FGF10: variants seen among roughly 807,000 people sequenced by gnomAD.
FGF10 encodes FGF-10.
Under a neutral mutation model 19.8 loss-of-function variants are expected in FGF10, and 2 were observed. The observed-to-expected ratio is 0.10, with a 90% CI of 0.04 to 0.32. The LOEUF is 0.32. Ranked by LOEUF, FGF10 falls within the 10% of genes least tolerant of loss-of-function variation. The pLI is 1.00. For missense variants in FGF10, 191 were observed against 246.3 expected (o/e 0.78, Z 1.50); for synonymous variants, 112 against 94.0 (o/e 1.19, Z -1.10).
chr5:44,335,421 C>CA (rs17227878), intron 1 of FGF10, among the ~76,000 whole-genome samples: 2,088 of 152,028 alleles, frequency 0.014, 89 homozygotes, highest in East Asian at 0.12. Context: ...TAGTATAAAA[C>CA]AAAAAACATA....
Position 44,305,142 on chromosome 5 carries a change from T to A in FGF10, c.480A>T (p.Gly160=). 6.2e-7 allele frequency: 1 copy of A among 1,613,996 alleles called. No homozygotes were observed. Among genetic ancestry groups the A allele is most frequent in the Non-Finnish European group, 8.5e-7 (1 of 1,179,898 alleles). The change falls in exon 3 of 3, where the codon GGA becomes GGT. Residue 160 remains glycine (G), a synonymous_variant. Transcript: ENST00000264664. Reference sequence around the variant, plus strand: ...AGTTAAATGATGCATAGGTATTGTATCCATTTTCCTCTATCCTCTCCTTCA... The same window carrying A: ...AGTTAAATGATGCATAGGTATTGTAACCATTTTCCTCTATCCTCTCCTTCA... The part of the protein sequence containing the change: ...CKLKERIEEN[G]YNTYASFNWQ...
chr5:44,324,680 G>A (rs1740571820), intron 1 of FGF10, among the ~76,000 whole-genome samples: 1 of 152,102 alleles, frequency 6.6e-6, no homozygotes, highest in Non-Finnish European at 1.5e-5. Context: ...AATGCATGAT[G>A]ATTAAAATGT....
intron 1 of FGF10, among the ~76,000 whole-genome samples, chr5:44,352,760 C>G (rs1449884691): frequency 6.6e-6 from 1 of 151,456 alleles, no homozygotes; most frequent in Non-Finnish European, 1.5e-5. Context: ...GAAAGTGCTC[C>G]CAGGATTCCC....
intron 1 of FGF10, among the ~76,000 whole-genome samples, chr5:44,375,266 G>C (rs1437670512): frequency 1.3e-5 from 2 of 152,194 alleles, no homozygotes; most frequent in East Asian, 1.9e-4. Context: ...TGGGTAAACA[G>C]TCAACTAATC....
chr5:44,353,488 A>C (rs1299262985), intron 1 of FGF10, among the ~76,000 whole-genome samples: 1 of 151,434 alleles, frequency 6.6e-6, no homozygotes, highest in Non-Finnish European at 1.5e-5. Context: ...TCACTTCATT[A>C]GTTTTGTTTT....
chr5:44,381,691 C>A (rs1229628465), intron 1 of FGF10, among the ~76,000 whole-genome samples: 1 of 152,150 alleles, frequency 6.6e-6, no homozygotes, highest in Non-Finnish European at 1.5e-5. Context: ...GATGAAATAA[C>A]ATGTCTGCTT....
Position 44,304,858 on chromosome 5 carries a change from A to C in FGF10, c.*137T>G. ...GTCAGCAGTGAATACAAAAACCTTC[A>C]AAGGCTGGCTTTCTTTTAAGCAAGC... On this transcript the variant is annotated 3_prime_UTR_variant, in exon 3 of 3. Transcript: ENST00000264664. 1 of 831,054 alleles carries C rather than the reference A, an allele frequency of 1.2e-6. No individual in the cohort carries two copies. The allele number at this position is 831,054 out of a possible 1,614,324, so 51.5% of individuals were successfully genotyped here.
intron 1 of FGF10, among the ~76,000 whole-genome samples, chr5:44,364,342 T>C (rs1561215313): frequency 4.6e-5 from 7 of 151,892 alleles, no homozygotes. Flanking sequence ...GCACATCTTA[T>C]ATTTAGAGAA....
chr5:44,349,453 T>TATATATATATATATATATATATATCAGA (rs1741180116), intron 1 of FGF10, among the ~76,000 whole-genome samples: 6 of 23,060 alleles, frequency 2.6e-4, no homozygotes, highest in Non-Finnish European at 5.5e-4. Context: ...TATATATATA[T>TATATATATATATATATATATATATCAGA]ATATATATAT....
chr5:44,310,632 A>G, intron 1 of FGF10, 102 bp from the exon 2 acceptor site: 1 of 861,962 alleles, frequency 1.2e-6, no homozygotes, highest in South Asian at 1.5e-5. Context: ...GTGTGGTTCT[A>G]AAAACAAAAG....
intron 1 of FGF10, among the ~76,000 whole-genome samples, chr5:44,319,617 A>C (rs745329089): frequency 6.6e-6 from 1 of 152,200 alleles, no homozygotes; most frequent in African/African-American, 2.4e-5. Context: ...ACAAGCTTCC[A>C]ACATGGTATA....
intron 1 of FGF10, among the ~76,000 whole-genome samples, chr5:44,339,719 T>C (rs147947217): frequency 1.3e-5 from 2 of 152,238 alleles, no homozygotes; most frequent in Admixed American, 6.6e-5. Flanking sequence ...TCATGCTTTC[T>C]GTTCTGTGCT....
chr5:44,330,352 T>C (rs1357390654), intron 1 of FGF10, among the ~76,000 whole-genome samples: 2 of 152,154 alleles, frequency 1.3e-5, no homozygotes, highest in African/African-American at 4.8e-5. Context: ...CCTAAGTAAG[T>C]ATAACAGGGA....
chr5:44,308,216 G>A (rs1740128034), intron 2 of FGF10, among the ~76,000 whole-genome samples: 1 of 152,180 alleles, frequency 6.6e-6, no homozygotes, highest in South Asian at 2.1e-4. Context: ...CACAGTCCAT[G>A]AGCTGTGTTG....
intron 1 of FGF10, among the ~76,000 whole-genome samples, chr5:44,354,449 G>T (rs1017493040): frequency 6.6e-6 from 1 of 151,370 alleles, no homozygotes; most frequent in African/African-American, 2.4e-5. Context: ...TCATACTAAA[G>T]GACAGTTATG....
intron 1 of FGF10, among the ~76,000 whole-genome samples, chr5:44,355,851 T>A (rs1305130137): frequency 1.5e-4 from 23 of 151,556 alleles, no homozygotes; most frequent in Non-Finnish European, 1.5e-5. Context: ...TCCTAAGTGG[T>A]ACTGTGGGTC....
chr5:44,320,476 A>C (rs192399728), intron 1 of FGF10, among the ~76,000 whole-genome samples: 1 of 152,310 alleles, frequency 6.6e-6, no homozygotes, highest in African/African-American at 2.4e-5. Flanking sequence ...GTGATGCAAC[A>C]GCGGAAGACT....
chr5:44,344,564 T>TTC (rs1240046340), intron 1 of FGF10, among the ~76,000 whole-genome samples: 3 of 33,074 alleles, frequency 9.1e-5, no homozygotes, highest in African/African-American at 2.5e-4. Context: ...CTGTTTTGTT[T>TTC]TCTCTGTGTG....
intron 1 of FGF10, among the ~76,000 whole-genome samples, chr5:44,326,979 A>G (rs149317756): frequency 8.5e-5 from 13 of 152,188 alleles, no homozygotes; most frequent in Admixed American, 3.3e-4. Context: ...GGTATTCCCT[A>G]TTTAATTGTG....
Sources: gnomAD v4.1 joint callset for allele counts (sites outside exome capture counted in the v4.1 genomes callset) on GRCh38, gnomAD v4.1.1 for gene constraint, MANE v1.5 for transcripts, NCBI Gene and HGNC (gene_info 2026-07-23, HGNC 2026-07-21) for gene names.